The following CSMD3 variants were observed in gnomAD, a reference collection of about 807,000 sequenced individuals.
The protein encoded by CSMD3 is CUB and Sushi multiple domains 3, also known as CUB and sushi domain-containing protein 3.
A neutral mutation model predicts 435.2 loss-of-function variants in CSMD3; 177 were observed. That is an observed-to-expected ratio of 0.41 (90% CI 0.36 to 0.46). The LOEUF (loss-of-function observed/expected upper bound fraction) is 0.46. Among genes scored for constraint, CSMD3 ranks in the 20% least tolerant of loss-of-function variants. The pLI is 0.34. For synonymous variants in CSMD3, 1,656 were observed against 1,520.5 expected (o/e 1.09, Z -2.07); for missense variants, 4,265 against 4,504.6 (o/e 0.95, Z 1.52).
intron 11 of CSMD3, among the ~76,000 whole-genome samples, chr8:112,846,604 C>T (rs558381201): frequency 1.4e-4 from 21 of 151,868 alleles, no homozygotes; most frequent in African/African-American, 5.1e-4. Flanking sequence ...GAAAAAGGGT[C>T]TTGCTATGTT....
chr8:113,258,266 A>G (rs377713099), intron 3 of CSMD3, among the ~76,000 whole-genome samples: 3 of 152,274 alleles, frequency 2.0e-5, no homozygotes, highest in African/African-American at 7.2e-5. Flanking sequence ...ATTCCATGCC[A>G]TTTTTACTAG....
chr8:112,541,700 T>G (rs1323754883), intron 27 of CSMD3, among the ~76,000 whole-genome samples: 3 of 151,810 alleles, frequency 2.0e-5, no homozygotes, highest in Non-Finnish European at 4.4e-5. Context: ...TCTATCCTTC[T>G]CAAACTCTTC....
At chr8:112,346,670 T>C (rs936507301) in intron 40 of CSMD3, among the ~76,000 whole-genome samples, 15 of 36,786 alleles carry the variant, frequency 4.1e-4, no homozygotes, top group Admixed American at 1.5e-3. Context: ...CTCCTTTTCC[T>C]TTTTTTTTTT....
chr8:112,918,236 A>G (rs1029797640), intron 10 of CSMD3, among the ~76,000 whole-genome samples: 1 of 151,992 alleles, frequency 6.6e-6, no homozygotes, highest in African/African-American at 2.4e-5. Flanking sequence ...ATGAATAATA[A>G]CAATTTCATG....
chr8:112,601,256 C>T (rs1832328966), intron 22 of CSMD3, among the ~76,000 whole-genome samples: 2 of 151,968 alleles, frequency 1.3e-5, no homozygotes, highest in South Asian at 4.1e-4. Context: ...TTGTGAAGTG[C>T]TTACTATTCT....
At chr8:113,343,972 C>T (rs1354505594) in intron 1 of CSMD3, among the ~76,000 whole-genome samples, 1 of 151,972 alleles carries the variant, frequency 6.6e-6, no homozygotes, top group Non-Finnish European at 1.5e-5. Flanking sequence ...TACAAAAATA[C>T]TGTAAATTTA....
At chr8:113,158,055 A>G (rs973395463) in intron 4 of CSMD3, among the ~76,000 whole-genome samples, 1 of 152,096 alleles carries the variant, frequency 6.6e-6, no homozygotes, top group African/African-American at 2.4e-5. Flanking sequence ...TTCACACAGA[A>G]AGTATTTGTT....
chr8:112,992,920 A>C (rs1269970013), intron 6 of CSMD3, among the ~76,000 whole-genome samples: 1 of 151,530 alleles, frequency 6.6e-6, no homozygotes, highest in South Asian at 2.1e-4. Flanking sequence ...TAAATGAGGT[A>C]GATTTCCTGG....
In CSMD3 at chr8:113,048,097, T is replaced by C. The variant is rs1013484571; in HGVS notation, c.918-28918A>G. Among the ~76,000 whole-genome samples, 40 of 148,688 alleles carry C rather than the reference T, an allele frequency of 2.7e-4. 1 individual carries two copies. In the East Asian group the frequency reaches 7.9e-3, roughly 29 times the overall value. On this transcript the variant is annotated intron_variant, in intron 5 of 70. Transcript: ENST00000297405. ...TAACTTCAATTCTTTTTTTTTTTTTTTTTTTTTGAGACCGAGACCGAGTCT... is the reference window on the plus strand; with the variant it reads ...TAACTTCAATTCTTTTTTTTTTTTTCTTTTTTTGAGACCGAGACCGAGTCT...
chr8:113,076,359 A>G (rs1239772039), intron 5 of CSMD3, among the ~76,000 whole-genome samples: 1 of 151,950 alleles, frequency 6.6e-6, no homozygotes, highest in East Asian at 1.9e-4. Flanking sequence ...CATTGGTCTA[A>G]TCCCTTATAA....
rs187244840 is a variant in CSMD3 at position 113,040,259 on chromosome 8, A to G, written c.918-21080T>C. 3.3e-5 allele frequency among the ~76,000 whole-genome samples: 5 copies of G among 152,286 alleles called. No homozygotes were observed. In the East Asian group the frequency reaches 7.7e-4, roughly 24 times the overall value. Reference sequence around the variant, plus strand: ...TGTCCAAGAAAGACAGTGGTTAGGAATGCTGTTGGAAAGATAGCAATGGGC... The same window carrying G: ...TGTCCAAGAAAGACAGTGGTTAGGAGTGCTGTTGGAAAGATAGCAATGGGC... On this transcript the variant is annotated intron_variant, in intron 5 of 70. Coordinates refer to ENST00000297405, the MANE Select transcript of CSMD3 (RefSeq NM_198123.2).
intron 6 of CSMD3, among the ~76,000 whole-genome samples, chr8:112,976,450 A>C (rs1468815129): frequency 3.9e-5 from 6 of 152,082 alleles, no homozygotes; most frequent in Non-Finnish European, 8.8e-5. Context: ...AAAAAAATCT[A>C]CAGATGAATT....
chr8:113,305,416 G>C (rs2093812059), intron 2 of CSMD3, among the ~76,000 whole-genome samples: 5 of 152,052 alleles, frequency 3.3e-5, no homozygotes, highest in Admixed American at 3.3e-4. Context: ...TGTGTAGTTT[G>C]CTTTTAGGAT....
intron 2 of CSMD3, among the ~76,000 whole-genome samples, chr8:113,301,278 C>CT (rs1563670804): frequency 6.6e-6 from 1 of 151,500 alleles, no homozygotes; most frequent in African/African-American, 2.4e-5. Context: ...ATGTTACAGA[C>CT]TTATATATTA....
At chr8:112,952,126 G>T (rs541818000) in intron 8 of CSMD3, among the ~76,000 whole-genome samples, 25 of 150,330 alleles carry the variant, frequency 1.7e-4, no homozygotes, top group Non-Finnish European at 2.5e-4. Context: ...GGTAGATAGG[G>T]GCAATTCAGA....
intron 1 of CSMD3, among the ~76,000 whole-genome samples, chr8:113,336,025 C>T (rs572630806): frequency 6.6e-6 from 1 of 151,744 alleles, no homozygotes; most frequent in African/African-American, 2.4e-5. Flanking sequence ...CTCTCTTTCC[C>T]TTCTCCTTTT....
At chr8:112,389,196 C>G (rs1462109575) in intron 36 of CSMD3, among the ~76,000 whole-genome samples, 2 of 151,990 alleles carry the variant, frequency 1.3e-5, no homozygotes, top group Admixed American at 1.3e-4. Context: ...AAGATGATAA[C>G]TAAAGAAAAC....
At chr8:112,567,037 C>G (rs1285850765) in intron 24 of CSMD3, among the ~76,000 whole-genome samples, 1 of 152,248 alleles carries the variant, frequency 6.6e-6, no homozygotes, top group East Asian at 1.9e-4. Flanking sequence ...CCTAAACCCA[C>G]TTCTTGTGTC....
At chr8:113,321,467 A>C (rs1014940731) in intron 1 of CSMD3, among the ~76,000 whole-genome samples, 1 of 152,104 alleles carries the variant, frequency 6.6e-6, no homozygotes, top group Non-Finnish European at 1.5e-5. Context: ...CAAAATGTTC[A>C]CTTACTAGAT....
Sources: gnomAD v4.1 joint callset for allele counts (sites outside exome capture counted in the v4.1 genomes callset) on GRCh38, gnomAD v4.1.1 for gene constraint, MANE v1.5 for transcripts, NCBI Gene and HGNC (gene_info 2026-07-23, HGNC 2026-07-21) for gene names.